SLC14A2: variants seen among roughly 807,000 people sequenced by gnomAD.
SLC14A2 encodes the protein solute carrier family 14 member 2.
In SLC14A2, 91 loss-of-function variants were observed where a neutral mutation model predicts 104.6. The observed-to-expected ratio is 0.87, with a 90% CI of 0.73 to 1.04. The LOEUF is 1.04. Among genes scored for constraint, SLC14A2 ranks in the 50% least tolerant of loss-of-function variants. The pLI is 0.00. For missense variants in SLC14A2, 1,189 were observed against 1,156.0 expected (o/e 1.03, Z -0.41); for synonymous variants, 476 against 466.4 (o/e 1.02, Z -0.27).
chr18:45,552,821 G>A (rs955028903), intron 2 of SLC14A2, among the ~76,000 whole-genome samples: 1 of 152,222 alleles, frequency 6.6e-6, no homozygotes, highest in African/African-American at 2.4e-5. Context: ...GATCTGCAGA[G>A]CTGGGGGAAA....
intron 1 of SLC14A2, among the ~76,000 whole-genome samples, chr18:45,222,191 C>T (rs1221704781): frequency 4.6e-5 from 7 of 152,154 alleles, no homozygotes; most frequent in Admixed American, 4.6e-4. Flanking sequence ...TTGTTTATTT[C>T]AAATAAATTG....
chr18:45,538,660 T>C (rs1432972971), intron 2 of SLC14A2, among the ~76,000 whole-genome samples: 3 of 152,072 alleles, frequency 2.0e-5, no homozygotes, highest in African/African-American at 7.2e-5. Flanking sequence ...TATAACCTAA[T>C]CTCAGAATTG....
At chr18:45,418,516 A>AC (rs1231924214) in intron 1 of SLC14A2, among the ~76,000 whole-genome samples, 7 of 152,198 alleles carry the variant, frequency 4.6e-5, no homozygotes, top group African/African-American at 1.7e-4. Flanking sequence ...AGTCTGAGAA[A>AC]AGCCAGCATT....
At chr18:45,509,518 TA>T (rs2043334375) in intron 2 of SLC14A2, among the ~76,000 whole-genome samples, 1 of 152,086 alleles carries the variant, frequency 6.6e-6, no homozygotes. Context: ...AATCAAGGTT[TA>T]AAAGAAAAAA....
chr18:45,499,802 T>C (rs2043162662), intron 2 of SLC14A2, among the ~76,000 whole-genome samples: 1 of 152,182 alleles, frequency 6.6e-6, no homozygotes, highest in Non-Finnish European at 1.5e-5. Flanking sequence ...ATCATAGGTA[T>C]CTTAGCTACC....
At chr18:45,180,832 A>G in the SLC14A2 span, among the ~76,000 whole-genome samples, 1 of 152,238 alleles carries the variant, frequency 6.6e-6, no homozygotes, top group South Asian at 2.1e-4. Flanking sequence ...AAAATCAAAC[A>G]ATATATTTTG....
intron 1 of SLC14A2, among the ~76,000 whole-genome samples, chr18:45,343,041 T>C (rs2085411549): frequency 6.6e-6 from 1 of 152,048 alleles, no homozygotes; most frequent in South Asian, 2.1e-4. Context: ...AGACTAGCAG[T>C]AGCGGGAGGC....
chr18:45,437,531 C>G (rs1259196594), intron 1 of SLC14A2, among the ~76,000 whole-genome samples: 1 of 152,206 alleles, frequency 6.6e-6, no homozygotes, highest in African/African-American at 2.4e-5. Context: ...CCCATCCGCT[C>G]CAGCTGCTAG....
In SLC14A2 at chr18:45,625,760, CGGGGT is replaced by C; in HGVS notation, c.231_235del (p.Val78ProfsTer143). On this transcript the variant is annotated frameshift_variant, in exon 3 of 20. Transcript: ENST00000255226. LOFTEE classifies it high-confidence loss of function. ...ATGAAAGGAGTAAAAGGAAAGACGA[CGGGGT>C]GGCCCATCGGGACTCAGCAGGCCAA... 14 of 1,564,612 alleles carry C rather than the reference CGGGGT, an allele frequency of 8.9e-6. No homozygotes were observed. The highest frequency in any genetic ancestry group is 1.2e-5 in the Non-Finnish European group (14 of 1,160,754).
At chr18:45,575,948 G>C (rs1490040964) in intron 2 of SLC14A2, among the ~76,000 whole-genome samples, 1 of 152,056 alleles carries the variant, frequency 6.6e-6, no homozygotes, top group Non-Finnish European at 1.5e-5. Flanking sequence ...GCCCCGGCTG[G>C]GGAGCAGAGG....
At chr18:45,664,501 G>C (rs898871932) in intron 11 of SLC14A2, among the ~76,000 whole-genome samples, 7 of 152,196 alleles carry the variant, frequency 4.6e-5, no homozygotes, top group Non-Finnish European at 1.0e-4. Context: ...CAGCTGCAAG[G>C]TTGGAGCAGC....
chr18:45,511,370 A>T (rs537980993), intron 2 of SLC14A2, among the ~76,000 whole-genome samples: 23 of 152,164 alleles, frequency 1.5e-4, no homozygotes, highest in Non-Finnish European at 1.2e-4. Context: ...TTAATTTTTC[A>T]GACTCTCTGA....
chr18:45,320,197 G>A (rs184230670), intron 1 of SLC14A2, among the ~76,000 whole-genome samples: 87 of 152,222 alleles, frequency 5.7e-4, no homozygotes, highest in African/African-American at 2.0e-3. Flanking sequence ...TTGTTTCCTG[G>A]ACCTGTAAGC....
intron 1 of SLC14A2, among the ~76,000 whole-genome samples, chr18:45,231,247 G>A (rs945519187): frequency 6.6e-6 from 1 of 152,020 alleles, no homozygotes; most frequent in South Asian, 2.1e-4. Context: ...GTATCACCCA[G>A]GCTAGAGAGT....
intron 11 of SLC14A2, among the ~76,000 whole-genome samples, chr18:45,664,827 G>T (rs2045988951): frequency 6.6e-6 from 1 of 152,220 alleles, no homozygotes; most frequent in Non-Finnish European, 1.5e-5. Flanking sequence ...TGTAGCTCAG[G>T]AGTTTGTCTT....
At chr18:45,222,369 A>C (rs2084071287) in intron 1 of SLC14A2, among the ~76,000 whole-genome samples, 1 of 152,202 alleles carries the variant, frequency 6.6e-6, no homozygotes, top group Non-Finnish European at 1.5e-5. Flanking sequence ...AGTCCTGTCC[A>C]TGAAGAACTG....
chr18:45,472,428 T>C (rs978706406), intron 1 of SLC14A2, among the ~76,000 whole-genome samples: 13 of 152,202 alleles, frequency 8.5e-5, no homozygotes, highest in African/African-American at 3.1e-4. Context: ...TATTTCTGGT[T>C]CTAGATCCTT....
chr18:45,593,264 C>T lies in SLC14A2; in HGVS notation c.-34-31367C>T, dbSNP rs1024793224. The stretch of plus-strand genomic sequence containing the variant: ...CCCGGGAGGCGGAGCTTGCAGTGAG[C>T]CGAGATCGCTCCACGGCACCCCAGC... On this transcript the variant is annotated intron_variant, in intron 2 of 20. Coordinates refer to the SLC14A2 transcript ENST00000586448. Among the ~76,000 whole-genome samples the T allele has an allele frequency of 2.6e-5, 4 of 151,344 alleles. No individual in the cohort carries two copies. The East Asian group carries it at 8.1e-4, about 30-fold the overall frequency.
intron 1 of SLC14A2, among the ~76,000 whole-genome samples, chr18:45,298,660 G>T (rs533819720): frequency 3.9e-5 from 6 of 152,110 alleles, no homozygotes. Context: ...TGTGATTAAC[G>T]TTTGATTGTA....
Sources: allele counts gnomAD v4.1 joint callset (sites outside exome capture counted in the v4.1 genomes callset), GRCh38; gene constraint gnomAD v4.1.1; transcripts MANE v1.5; gene names NCBI Gene and HGNC (gene_info 2026-07-23, HGNC 2026-07-21).